The following SMAP1 variants were observed in gnomAD, a reference collection of about 807,000 sequenced individuals.
The protein encoded by SMAP1 is stromal membrane-associated protein 1.
SMAP1 carries 24 observed loss-of-function variants against 58.5 expected under a neutral mutation model. That is an observed-to-expected ratio of 0.41 (90% confidence interval 0.30 to 0.58). The LOEUF is 0.58. Among genes scored for constraint, SMAP1 ranks in the 20% least tolerant of loss-of-function variants. The probability of loss-of-function intolerance (pLI) is 0.29; values close to 1 mark genes in which losing one functional copy is unlikely to be tolerated. For missense variants in SMAP1, 563 were observed against 566.3 expected (o/e 0.99, Z 0.06); for synonymous variants, 216 against 196.6 (o/e 1.10, Z -0.82).
intron 6 of SMAP1, among the ~76,000 whole-genome samples, chr6:70,804,782 C>T (rs1370992689): frequency 6.6e-6 from 1 of 152,146 alleles, no homozygotes; most frequent in Admixed American, 6.5e-5. Context: ...ATATGAAATT[C>T]TGGGTTGAAA....
chr6:70,695,887 A>T (rs1767381890), intron 1 of SMAP1, among the ~76,000 whole-genome samples: 1 of 152,184 alleles, frequency 6.6e-6, no homozygotes, highest in Non-Finnish European at 1.5e-5. Flanking sequence ...AGAATTCAGC[A>T]GTGAAGCCAT....
intron 2 of SMAP1, among the ~76,000 whole-genome samples, chr6:70,748,298 A>C (rs926553508): frequency 4.6e-5 from 7 of 152,224 alleles, no homozygotes; most frequent in African/African-American, 1.4e-4. Context: ...AGCTGGAAAT[A>C]AGATTTTCAG....
At chr6:70,742,386 G>A (rs889223012) in intron 2 of SMAP1, among the ~76,000 whole-genome samples, 3 of 152,140 alleles carry the variant, frequency 2.0e-5, no homozygotes, top group Admixed American at 6.5e-5. Context: ...AAATCTCTAG[G>A]GCAGGGGCAA....
At position 70,860,785 on chromosome 6, in the gene SMAP1, C is replaced by A; in HGVS notation, c.*451C>A. The stretch of plus-strand genomic sequence containing the variant: ...AATAGAATGTAAATGTCTCACTGAG[C>A]ACTGTTTTCTAGTGTATCAAAATGC... On this transcript the variant is annotated 3_prime_UTR_variant, in exon 11 of 11. Transcript: ENST00000370455. 1 of 399,072 alleles carries A rather than the reference C, an allele frequency of 2.5e-6. No individual in the cohort carries two copies. Among genetic ancestry groups the A allele is most frequent in the Admixed American group, 4.4e-5 (1 of 22,892 alleles). The allele number at this position is 399,072 out of a possible 1,614,324, so 24.7% of individuals were successfully genotyped here.
At chr6:70,747,367 G>T (rs949238690) in intron 2 of SMAP1, among the ~76,000 whole-genome samples, 1 of 152,174 alleles carries the variant, frequency 6.6e-6, no homozygotes, top group Non-Finnish European at 1.5e-5. Context: ...GTTTGAGAAA[G>T]TAGTGTTCTG....
Position 70,861,659 on chromosome 6 carries a change from C to T in SMAP1, c.*1325C>T, listed in dbSNP as rs1771734045. ...GGACAAACTGCACCAGTTGCTGCTT[C>T]AATTTATACCTCAATTTTCACTGTG... is the stretch of plus-strand genomic sequence containing the variant. On this transcript the variant is annotated 3_prime_UTR_variant, in exon 11 of 11. Coordinates refer to ENST00000370455, the MANE Select transcript of SMAP1 (RefSeq NM_001044305.3). The T allele has an allele frequency of 3.1e-6, 5 of 1,611,972 alleles. 1 individual carries two copies. The Admixed American group carries it at 5.0e-5, about 16-fold the overall frequency.
intron 9 of SMAP1, 155 bp from the exon 10 acceptor site, chr6:70,857,767 T>G (rs1332526075): frequency 1.5e-6 from 1 of 661,300 alleles, no homozygotes; most frequent in Non-Finnish European, 2.5e-6. Context: ...CTCTCAGGGT[T>G]TAGGTGTGGG....
intron 6 of SMAP1, among the ~76,000 whole-genome samples, chr6:70,804,438 T>C (rs1769023595): frequency 6.6e-6 from 1 of 152,080 alleles, no homozygotes; most frequent in Non-Finnish European, 1.5e-5. Flanking sequence ...GTGATGGGTT[T>C]TGACTCTATC....
chr6:70,830,106 CT>C (rs1770298643), intron 6 of SMAP1, among the ~76,000 whole-genome samples: 1 of 152,150 alleles, frequency 6.6e-6, no homozygotes, highest in Admixed American at 6.5e-5. Flanking sequence ...TCTAAGTAGA[CT>C]TATGTTCTTG....
chr6:70,815,367 G>A lies in SMAP1; in HGVS notation c.576+16630G>A, dbSNP rs143039123. On this transcript the variant is annotated intron_variant, in intron 6 of 10. Coordinates refer to ENST00000370455, the MANE Select transcript of SMAP1 (RefSeq NM_001044305.3). ...GCTTTATGATGGGCAGTCCAATTGT[G>A]TAAGTTACCTTGGCAGTCCTGATGG... Among the ~76,000 whole-genome samples the A allele has an allele frequency of 2.0e-5, 3 of 152,294 alleles. No homozygotes were observed. The East Asian group carries it at 5.8e-4, about 29-fold the overall frequency.
intron 1 of SMAP1, among the ~76,000 whole-genome samples, chr6:70,714,737 G>A (rs919512396): frequency 6.6e-6 from 1 of 151,790 alleles, no homozygotes; most frequent in African/African-American, 2.4e-5. Context: ...TTGTTGTTTT[G>A]CATCTTTTCA....
intron 1 of SMAP1, among the ~76,000 whole-genome samples, chr6:70,675,760 T>C (rs908681018): frequency 6.6e-5 from 10 of 152,084 alleles, no homozygotes; most frequent in African/African-American, 2.4e-4. Context: ...CAAAAGGATC[T>C]GTTAGTCATT....
At chr6:70,852,453 T>A (rs1002868197) in intron 7 of SMAP1, 87 bp from the exon 8 acceptor site, 9 of 1,253,776 alleles carry the variant, frequency 7.2e-6, no homozygotes, top group African/African-American at 3.1e-5. Flanking sequence ...TCTTTTTTTT[T>A]AACCATATAT....
intron 1 of SMAP1, among the ~76,000 whole-genome samples, chr6:70,679,461 A>G (rs1373256968): frequency 2.0e-5 from 3 of 152,242 alleles, no homozygotes; most frequent in Non-Finnish European, 4.4e-5. Context: ...TCTCTTTGCA[A>G]TGGGATCATT....
intron 1 of SMAP1, among the ~76,000 whole-genome samples, chr6:70,724,180 CTTTTT>C (rs1768661450): frequency 7.2e-6 from 1 of 139,426 alleles, no homozygotes; most frequent in Admixed American, 7.2e-5. Flanking sequence ...TGTTTTTTTT[CTTTTT>C]TTAAGATAGG....
intron 1 of SMAP1, among the ~76,000 whole-genome samples, chr6:70,676,675 A>G (rs971388383): frequency 6.6e-6 from 1 of 152,208 alleles, no homozygotes; most frequent in South Asian, 2.1e-4. Context: ...CAATATCTTC[A>G]TTTTAGTTTC....
At chr6:70,786,850 A>G (rs1768060064) in intron 4 of SMAP1, among the ~76,000 whole-genome samples, 1 of 152,234 alleles carries the variant, frequency 6.6e-6, no homozygotes, top group Non-Finnish European at 1.5e-5. Context: ...AGGAAGAATC[A>G]ATATCATGAA....
chr6:70,786,133 C>T (rs1403412894), intron 4 of SMAP1, among the ~76,000 whole-genome samples: 151 of 152,134 alleles, frequency 9.9e-4, no homozygotes, highest in Non-Finnish European at 1.2e-3. Context: ...CCCTGGGACG[C>T]AAGGCTGGTT....
intron 1 of SMAP1, among the ~76,000 whole-genome samples, chr6:70,674,296 A>G (rs1766390117): frequency 6.6e-6 from 1 of 151,942 alleles, no homozygotes; most frequent in South Asian, 2.1e-4. Flanking sequence ...TATTTTTTGT[A>G]GAGACCACGT....
Sources: gnomAD v4.1 joint callset for allele counts (sites outside exome capture counted in the v4.1 genomes callset) on GRCh38, gnomAD v4.1.1 for gene constraint, MANE v1.5 for transcripts, NCBI Gene and HGNC (gene_info 2026-07-23, HGNC 2026-07-21) for gene names.